The following MESP1 variants were observed in gnomAD, a reference collection of about 807,000 sequenced individuals.
The protein encoded by MESP1 is mesoderm posterior protein 1.
In MESP1, 22 loss-of-function variants were observed where a neutral mutation model predicts 15.2. That is an observed-to-expected ratio of 1.45 (90% CI 1.04 to 2.07). The LOEUF (loss-of-function observed/expected upper bound fraction) is 2.07. Ranked by LOEUF, MESP1 falls within the 30% of genes most tolerant of loss-of-function variation. The pLI is 0.00. For synonymous variants in MESP1, 216 were observed against 192.6 expected, an observed-to-expected ratio of 1.12 and a Z score of -1.01; for missense variants, 484 against 411.9, an observed-to-expected ratio of 1.17 and a Z score of -1.51.
chr15:89,747,078 A>C (rs1390439646), downstream of MESP1, among the ~76,000 whole-genome samples: 1 of 131,440 alleles, frequency 7.6e-6, no homozygotes, highest in African/African-American at 3.0e-5. Flanking sequence ...CCCCGCCGCC[A>C]CACACACAGC....
chr15:89,747,055 C>CCAGAGCCCCCA (rs1967980678), downstream of MESP1, among the ~76,000 whole-genome samples: 1 of 147,390 alleles, frequency 6.8e-6, no homozygotes. Flanking sequence ...CGCATGCACA[C>CCAGAGCCCCCA]ACACACACAC....
At chr15:89,749,278 G>C (rs1287535408), downstream of MESP1, 2 of 152,242 alleles carry the variant, frequency 1.3e-5, no homozygotes, top group Non-Finnish European at 1.5e-5. Flanking sequence ...ATGTCTCTAA[G>C]CCACAAGGTG....
At chr15:89,747,309 C>T (rs1200385980), downstream of MESP1, among the ~76,000 whole-genome samples, 1 of 152,220 alleles carries the variant, frequency 6.6e-6, no homozygotes, top group Non-Finnish European at 1.5e-5. Context: ...AACCTACCCA[C>T]CTTGCCAGCG....
At chr15:89,740,146 G>A in the MESP1 span, among the ~76,000 whole-genome samples, 1 of 152,222 alleles carries the variant, frequency 6.6e-6, no homozygotes, top group Non-Finnish European at 1.5e-5. Context: ...CAGGCACAGA[G>A]TGGTTGCTCA....
rs190259690 is a variant in MESP1 at position 89,751,199 on chromosome 15, C to G, written c.33G>C (p.Glu11Asp). The G allele has an allele frequency of 3.0e-3, 3,756 of 1,261,892 alleles. 95 individuals carry two copies. In the African/African-American group the frequency reaches 0.05, roughly 17 times the overall value. The allele number at this position is 1,261,892 out of a possible 1,614,324, so 78.2% of individuals were successfully genotyped here. A position where few individuals can be genotyped will look rare whatever the true frequency, so the allele number is the denominator to read the frequency against. The change falls in exon 1 of 2, where the codon GAG (glutamate) becomes GAC (aspartate). Residue 11 changes from glutamate to aspartate, a missense_variant. Coordinates refer to ENST00000300057, the MANE Select transcript of MESP1 (RefSeq NM_018670.4). ...CCCAGGCCGCAGAGAGCATCCAGGA[C>G]TCGGAGAGCGGCGGGCACAGGGGCT... MAQPLCPPLS[E>D]SWMLSAAWGP...
At chr15:89,742,901 C>G in the MESP1 span, among the ~76,000 whole-genome samples, 5 of 152,220 alleles carry the variant, frequency 3.3e-5, no homozygotes, top group African/African-American at 9.6e-5. Context: ...TACAGTGTGT[C>G]TTTTTGTGAC....
Position 89,750,608 on chromosome 15 carries a change from G to A in MESP1, c.624C>T (p.Pro208=), listed in dbSNP as rs906163652. The A allele has an allele frequency of 1.1e-5, 15 of 1,395,106 alleles. No homozygotes were observed. In the Admixed American group the frequency reaches 3.3e-4, roughly 31 times the overall value. The allele number at this position is 1,395,106 out of a possible 1,614,324, so 86.4% of individuals were successfully genotyped here. ...GCGGCTCGGGTGCAGCTCGGGCTCC[G>A]GGGCAGGCAGGCGGGGATCCCCAGG... ...GASWGSPPAC[P]GARAAPEPRD... The change falls in exon 1 of 2, where the codon CCC becomes CCT. Residue 208 remains proline (P), a synonymous_variant. Coordinates refer to ENST00000300057, the MANE Select transcript of MESP1 (RefSeq NM_018670.4).
downstream of MESP1, among the ~76,000 whole-genome samples, chr15:89,745,395 C>T (rs1967914605): frequency 6.6e-6 from 1 of 152,184 alleles, no homozygotes; most frequent in South Asian, 2.1e-4. The surrounding 1 kb of genome is among the most constrained non-coding windows in gnomAD (Gnocchi z 4.8). Flanking sequence ...TGTGCAGCCC[C>T]AGGCAGAGCT....
Position 89,750,536 on chromosome 15 carries a change from C to T in MESP1, c.696G>A (p.Gln232=). The T allele has an allele frequency of 2.0e-6, 3 of 1,496,630 alleles. No individual in the cohort carries two copies. The highest frequency in any genetic ancestry group is 2.7e-6 in the Non-Finnish European group (3 of 1,130,986). The allele number at this position is 1,496,630 out of a possible 1,614,324, so 92.7% of individuals were successfully genotyped here. Residue 232 remains glutamine, a synonymous_variant, in exon 1 of 2, where the codon CAG becomes CAA. Transcript: ENST00000300057. ...LFAEAACPEG[Q]AMEPSPPSPL... is the part of the protein sequence containing the mutation. ...GGGACGGTGGGCTTGGCTCCATCGC[C>T]TGCCCTTCAGGGCACGCCGCCTCGG...
At chr15:89,736,171 C>G in the MESP1 span, among the ~76,000 whole-genome samples, 3 of 152,208 alleles carry the variant, frequency 2.0e-5, no homozygotes, top group African/African-American at 7.2e-5. Flanking sequence ...GTTGAGAGAT[C>G]TCAGTTCGGC....
the MESP1 span, chr15:89,743,422 G>T: frequency 6.2e-7 from 1 of 1,610,318 alleles, no homozygotes; most frequent in Non-Finnish European, 8.5e-7. Context: ...CTCTGAAAAG[G>T]AGGTTTCAGC....
the MESP1 span, chr15:89,737,658 C>A: frequency 1.5e-5 from 24 of 1,614,194 alleles, no homozygotes; most frequent in East Asian, 2.2e-5. Flanking sequence ...CCTCCGGGAG[C>A]CTTTCCTCTG....
chr15:89,734,051 GAAT>G, the MESP1 span, among the ~76,000 whole-genome samples: 1 of 151,976 alleles, frequency 6.6e-6, no homozygotes, highest in Admixed American at 6.6e-5. Context: ...GTGTAATAAA[GAAT>G]AATGAGATCA....
chr15:89,750,177 C>A lies in MESP1; in HGVS notation c.774G>T (p.Ser258=), dbSNP rs779211110. 1.7e-5 allele frequency: 27 copies of A among 1,614,052 alleles called. No homozygotes were observed. The highest frequency in any genetic ancestry group is 2.0e-5 in the Non-Finnish European group (24 of 1,180,018). ...GCTCCTCAGGCAGCCACTCCAGAGG[C>A]GAGAGGGGCATCCAGGTCTCCAACA... ...LALLETWMPL[S]PLEWLPEEPK is the part of the protein sequence containing the mutation. The change falls in exon 2 of 2, where the codon TCG becomes TCT. Residue 258 remains serine (S), a synonymous_variant. Coordinates refer to ENST00000300057, the MANE Select transcript of MESP1 (RefSeq NM_018670.4).
At chr15:89,738,004 T>C in the MESP1 span, 55 of 1,565,352 alleles carry the variant, frequency 3.5e-5, no homozygotes, top group Non-Finnish European at 4.7e-5. Context: ...GAGAAAGCGA[T>C]TGTTACACAG....
the MESP1 span, among the ~76,000 whole-genome samples, chr15:89,741,708 A>G: frequency 6.6e-6 from 1 of 152,098 alleles, no homozygotes; most frequent in East Asian, 1.9e-4. Flanking sequence ...GTGTTTAAAT[A>G]TATTCATATA....
chr15:89,735,131 C>G, the MESP1 span, among the ~76,000 whole-genome samples: 1 of 152,102 alleles, frequency 6.6e-6, no homozygotes, highest in Non-Finnish European at 1.5e-5. Context: ...GCTGGGCCCC[C>G]AAAGTGCTGG....
At position 89,750,947 on chromosome 15, in the gene MESP1, C is replaced by T. The variant is rs1968082985; in HGVS notation, c.285G>A (p.Met95Ile). 10 of 1,450,648 alleles carry T rather than the reference C, an allele frequency of 6.9e-6. No individual in the cohort carries two copies. The highest frequency in any genetic ancestry group is 9.0e-6 in the Non-Finnish European group (10 of 1,105,812). 89.9% of individuals were successfully genotyped at this position (1,450,648 alleles called of 1,614,324 possible). A position where few individuals can be genotyped will look rare whatever the true frequency, so the allele number is the denominator to read the frequency against. Residue 95 changes from methionine to isoleucine, a missense_variant, in exon 1 of 2, where the codon ATG (methionine) becomes ATA (isoleucine). Coordinates refer to ENST00000300057, the MANE Select transcript of MESP1 (RefSeq NM_018670.4). The stretch of plus-strand genomic sequence containing the variant: ...CGTGCAGGGCGCGGGCCAGCGTGCG[C>T]ATGCGCAGTTTCTCCCGCTCACTGG... ...QSASEREKLR[M>I]RTLARALHEL...
At chr15:89,750,380 G>A (rs1012224498) in intron 1 of MESP1, 129 bp downstream of exon 1, 7 of 1,465,096 alleles carry the variant, frequency 4.8e-6, no homozygotes, top group South Asian at 2.6e-5. Flanking sequence ...GGAGCCCTGG[G>A]CATACTATGG....
Sources: gnomAD v4.1 joint callset for allele counts (sites outside exome capture counted in the v4.1 genomes callset) on GRCh38, gnomAD v4.1.1 for gene constraint, Gnocchi (gnomAD v3.1) non-coding constraint, MANE v1.5 for transcripts, NCBI Gene and HGNC (gene_info 2026-07-23, HGNC 2026-07-21) for gene names.